Variants in NTN1 observed in about 807,000 individuals in gnomAD.
NTN1 encodes netrin-1.
A neutral mutation model predicts 54.2 loss-of-function variants in NTN1; 11 were observed. The observed-to-expected ratio is 0.20, with a 90% CI of 0.13 to 0.34. The LOEUF (loss-of-function observed/expected upper bound fraction) is 0.34. Ranked by LOEUF, NTN1 falls within the 10% of genes least tolerant of loss-of-function variation. The pLI is 1.00. For synonymous variants in NTN1, 371 were observed against 382.0 expected, an observed-to-expected ratio of 0.97 and a Z score of 0.33; for missense variants, 740 against 893.1, an observed-to-expected ratio of 0.83 and a Z score of 2.18.
intron 5 of NTN1, among the ~76,000 whole-genome samples, chr17:9,185,819 T>C (rs1381303881): frequency 1.3e-5 from 2 of 152,232 alleles, no homozygotes; most frequent in South Asian, 4.1e-4. Context: ...TGTTTGGTTT[T>C]GTGGTGGCCA....
At chr17:9,129,590 A>G (rs566401023) in intron 2 of NTN1, among the ~76,000 whole-genome samples, 1 of 152,254 alleles carries the variant, frequency 6.6e-6, no homozygotes, top group East Asian at 1.9e-4. Flanking sequence ...GAAATCAGGA[A>G]TCTCCCCCAA....
At chr17:9,131,734 C>G (rs1478825004) in intron 2 of NTN1, among the ~76,000 whole-genome samples, 1 of 152,238 alleles carries the variant, frequency 6.6e-6, no homozygotes, top group East Asian at 1.9e-4. Flanking sequence ...GCATGCACCT[C>G]CACGCCTGGC....
upstream of NTN1, among the ~76,000 whole-genome samples, chr17:9,020,772 G>A (rs946620257): frequency 2.6e-5 from 4 of 152,218 alleles, no homozygotes; most frequent in African/African-American, 9.6e-5. Flanking sequence ...CCGTCTTGGA[G>A]GGGCGGTGGC....
intron 2 of NTN1, among the ~76,000 whole-genome samples, chr17:9,160,151 G>T (rs943017898): frequency 4.6e-5 from 7 of 152,082 alleles, no homozygotes; most frequent in African/African-American, 1.7e-4. Context: ...TCGCTCTGTG[G>T]CTCAGGCTGG....
At chr17:9,232,807 G>A (rs1905858939) in intron 6 of NTN1, among the ~76,000 whole-genome samples, 1 of 152,146 alleles carries the variant, frequency 6.6e-6, no homozygotes, top group African/African-American at 2.4e-5. Flanking sequence ...GGGCAGATGA[G>A]CATCACTGAG....
chr17:9,191,541 A>ATG (rs912721452), intron 5 of NTN1, among the ~76,000 whole-genome samples: 13 of 152,194 alleles, frequency 8.5e-5, no homozygotes, highest in Admixed American at 2.6e-4. Context: ...AGAAAAATAT[A>ATG]TGTGACATGG....
At chr17:9,112,856 C>T (rs2092197190) in intron 2 of NTN1, among the ~76,000 whole-genome samples, 1 of 151,156 alleles carries the variant, frequency 6.6e-6, no homozygotes, top group African/African-American at 2.4e-5. Context: ...ACCCCACCCC[C>T]TTCCACAGTA....
At chr17:9,005,392 C>A in the NTN1 span, among the ~76,000 whole-genome samples, 1 of 152,184 alleles carries the variant, frequency 6.6e-6, no homozygotes, top group African/African-American at 2.4e-5. Flanking sequence ...ATCTCGGACT[C>A]TGGGCATCAG....
chr17:9,157,347 T>C (rs1252366071), intron 2 of NTN1, among the ~76,000 whole-genome samples: 2 of 152,180 alleles, frequency 1.3e-5, no homozygotes, highest in Admixed American at 6.5e-5. Flanking sequence ...GCTAGAACAC[T>C]GTGAGTATGC....
chr17:9,159,768 T>A (rs2092352291), intron 2 of NTN1, among the ~76,000 whole-genome samples: 1 of 152,100 alleles, frequency 6.6e-6, no homozygotes, highest in South Asian at 2.1e-4. Context: ...GCCACTGCAC[T>A]CCAGCCTGGG....
intron 2 of NTN1, among the ~76,000 whole-genome samples, chr17:9,149,573 C>G (rs978609276): frequency 6.6e-6 from 1 of 152,152 alleles, no homozygotes; most frequent in East Asian, 1.9e-4. Flanking sequence ...CTGGCAACAT[C>G]TCTTTGCTTC....
chr17:9,157,086 T>A (rs1331491334), intron 2 of NTN1, among the ~76,000 whole-genome samples: 1 of 152,184 alleles, frequency 6.6e-6, no homozygotes, highest in Non-Finnish European at 1.5e-5. Context: ...TCTTCTCTCT[T>A]GTTTGCTTTC....
At chr17:9,222,954 C>T (rs1905413432) in intron 6 of NTN1, among the ~76,000 whole-genome samples, 1 of 152,118 alleles carries the variant, frequency 6.6e-6, no homozygotes, top group Non-Finnish European at 1.5e-5. Flanking sequence ...AGGGTAAGAC[C>T]CCAGTAATTC....
chr17:9,022,749 C>G lies in NTN1; in HGVS notation c.376C>G (p.Leu126Val). 8.1e-6 allele frequency: 13 copies of G among 1,609,352 alleles called. No homozygotes were observed. The highest frequency in any genetic ancestry group is 1.0e-5 in the Non-Finnish European group (12 of 1,178,534). ...GACGTGCTGGCAGTCCGAGAACTAC[C>G]TGCAGTTCCCGCACAACGTCACGCT... ...NLTCWQSENY[L>V]QFPHNVTLTL... Residue 126 changes from leucine to valine, a missense_variant, in exon 2 of 7, where the codon CTG (leucine) becomes GTG (valine). Coordinates refer to ENST00000173229, the MANE Select transcript of NTN1 (RefSeq NM_004822.3).
Position 9,182,826 on chromosome 17 carries a change from T to C in NTN1, c.1358-90T>C, listed in dbSNP as rs2092422380. ...GAGGGTCCCAGGAAGTTGGGAGGAG[T>C]CTGTGCTGGGCTCATTCTAAAGTCA... On this transcript the variant is annotated intron_variant, in intron 4 of 6. Coordinates refer to ENST00000173229, the MANE Select transcript of NTN1 (RefSeq NM_004822.3). The C allele has an allele frequency of 3.8e-6, 5 of 1,309,716 alleles. No individual in the cohort carries two copies. In the East Asian group the frequency reaches 9.2e-5, roughly 24 times the overall value. The allele number at this position is 1,309,716 out of a possible 1,614,324, so 81.1% of individuals were successfully genotyped here.
chr17:9,222,982 G>A (rs1483425323), intron 6 of NTN1, among the ~76,000 whole-genome samples: 1 of 152,116 alleles, frequency 6.6e-6, no homozygotes, highest in Non-Finnish European at 1.5e-5. Flanking sequence ...TTCCCCACAG[G>A]CCTTCTGGCC....
At chr17:9,180,189 C>T (rs1224832377) in intron 4 of NTN1, among the ~76,000 whole-genome samples, 1 of 152,274 alleles carries the variant, frequency 6.6e-6, no homozygotes, top group Non-Finnish European at 1.5e-5. Context: ...CAGGCGCAAG[C>T]CTTCATGCCC....
rs890670660 is a variant in NTN1, at chr17:9,239,018, G to A, written c.1487-622G>A. Among the ~76,000 whole-genome samples the A allele has an allele frequency of 2.6e-5, 4 of 152,226 alleles. No homozygotes were observed. Among genetic ancestry groups the A allele is most frequent in the Admixed American group, 6.5e-5 (1 of 15,288 alleles). ...AAGAGGAATGGTCTGGGGACCTTGG[G>A]CGGCATGGAGGAAGGGAGGCCACCT... On this transcript the variant is annotated intron_variant, in intron 6 of 6. Transcript: ENST00000173229. The surrounding 1 kb of genome is among the most constrained non-coding windows in gnomAD (Gnocchi z 5.2).
chr17:9,092,920 G>A lies in NTN1; in HGVS notation c.1018+69529G>A, dbSNP rs775215887. Reference sequence around the variant, plus strand: ...ACTACGGGTGCCCACCACCACGCCCGGCTAATTTTTTGTATTTTTAGTAGA... The same window carrying A: ...ACTACGGGTGCCCACCACCACGCCCAGCTAATTTTTTGTATTTTTAGTAGA... On this transcript the variant is annotated intron_variant, in intron 2 of 6. Transcript: ENST00000173229. Among the ~76,000 whole-genome samples the A allele has an allele frequency of 2.6e-5, 4 of 152,118 alleles. 1 individual carries two copies. Among genetic ancestry groups the A allele is most frequent in the Admixed American group, 2.0e-4 (3 of 15,278 alleles).
Sources: gnomAD v4.1 joint callset for allele counts (sites outside exome capture counted in the v4.1 genomes callset) on GRCh38, gnomAD v4.1.1 for gene constraint, Gnocchi (gnomAD v3.1) non-coding constraint, MANE v1.5 for transcripts, NCBI Gene and HGNC (gene_info 2026-07-23, HGNC 2026-07-21) for gene names.